Variants in DNAH14 observed in about 807,000 individuals in gnomAD.
The protein encoded by DNAH14 is dynein axonemal heavy chain 14, also known as axonemal beta dynein heavy chain 14.
Under a neutral mutation model 520.9 loss-of-function variants are expected in DNAH14, and 478 were observed. The ratio of observed to expected loss-of-function variants is 0.92; its 90% CI spans 0.85 to 0.99. The LOEUF (loss-of-function observed/expected upper bound fraction) is 0.99, where lower values mean the gene tolerates loss of function less well. Ranked by LOEUF, DNAH14 falls within the 50% of genes least tolerant of loss-of-function variation. The pLI is 0.00. For missense variants in DNAH14, 4,831 were observed against 5,234.5 expected, an observed-to-expected ratio of 0.92 and a Z score of 2.38; for synonymous variants, 1,581 against 1,757.2, an observed-to-expected ratio of 0.90 and a Z score of 2.51.
intron 42 of DNAH14, among the ~76,000 whole-genome samples, chr1:225,233,718 T>C (rs1005793371): frequency 1.3e-5 from 2 of 152,224 alleles, no homozygotes; most frequent in Non-Finnish European, 2.9e-5. Flanking sequence ...TGCAAAAATT[T>C]TCTCCCATTC....
At chr1:225,000,785 C>T (rs1181437146) in intron 8 of DNAH14, among the ~76,000 whole-genome samples, 1 of 136,634 alleles carries the variant, frequency 7.3e-6, no homozygotes, top group African/African-American at 3.4e-5. Flanking sequence ...TCATTGAGTT[C>T]AGCCATTGAG....
chr1:225,246,721 AG>A (rs528020278), intron 43 of DNAH14, among the ~76,000 whole-genome samples: 28 of 152,232 alleles, frequency 1.8e-4, no homozygotes, highest in Non-Finnish European at 3.8e-4. Context: ...TTAAAAAGTC[AG>A]GAAACAACAG....
At chr1:225,186,324 T>C (rs1420363366) in intron 37 of DNAH14, among the ~76,000 whole-genome samples, 3 of 151,788 alleles carry the variant, frequency 2.0e-5, no homozygotes, top group African/African-American at 7.2e-5. Context: ...TCCTGAAAGA[T>C]CTCAATTAGT....
In DNAH14 at chr1:225,346,267, G is replaced by C; in HGVS notation, c.10984G>C (p.Glu3662Gln). 6.4e-7 allele frequency: 1 copy of C among 1,551,360 alleles called. No individual in the cohort carries two copies. The highest frequency in any genetic ancestry group is 2.0e-5 in the Admixed American group (1 of 50,870). Reference sequence around the variant, plus strand: ...TAAAAGGGAGAAAGTGTCTCCAAAAGAAGTTCATGAGTTTATAAGTATTTC... The same window carrying C: ...TAAAAGGGAGAAAGTGTCTCCAAAACAAGTTCATGAGTTTATAAGTATTTC... The part of the protein sequence containing the change: ...SFKREKVSPK[E>Q]VHEFISISKE... The change falls in exon 70 of 86, where the codon GAA (glutamate) becomes CAA (glutamine). Residue 3662 changes from glutamate to glutamine, a missense_variant. By Grantham distance (29) the Glu-to-Gln change is conservative. Coordinates refer to ENST00000682510, the MANE Select transcript of DNAH14 (RefSeq NM_001367479.1).
chr1:225,088,612 G>A (rs1243840695), intron 21 of DNAH14, among the ~76,000 whole-genome samples: 3 of 152,074 alleles, frequency 2.0e-5, no homozygotes, highest in Non-Finnish European at 2.9e-5. Context: ...AAAATACTGA[G>A]AAAATAATGA....
intron 8 of DNAH14, among the ~76,000 whole-genome samples, chr1:224,989,968 A>G (rs921351187): frequency 5.3e-5 from 8 of 151,472 alleles, no homozygotes; most frequent in African/African-American, 1.9e-4. Flanking sequence ...TTCTTGGATA[A>G]TATTTTGCTA....
rs781495652 is a variant in DNAH14, at chr1:225,322,667, A to T, written c.9339A>T (p.Val3113=). 1 of 1,537,738 alleles carries T rather than the reference A, an allele frequency of 6.5e-7. No individual in the cohort carries two copies. The highest frequency in any genetic ancestry group is 2.5e-5 in the East Asian group (1 of 40,492). ...LDKADVAELR[V]YTRPPFLVLT... ...AGATTTTCATCATCTATTACAGAGT[A>T]TACACACGGCCTCCCTTCCTTGTAC... Residue 3113 remains valine (V), a synonymous_variant, in exon 62 of 86, where the codon GTA becomes GTT. Transcript: ENST00000682510.
Position 225,388,724 on chromosome 1 carries a change from C to A in DNAH14, c.13190+233C>A, listed in dbSNP as rs552644205. ...GTTATGACTACAACATAGTACATTT[C>A]TCTTTCCTAAGAAATGCACAGGGTG... On this transcript the variant is annotated intron_variant, in intron 82 of 85. Coordinates refer to ENST00000682510, the MANE Select transcript of DNAH14 (RefSeq NM_001367479.1). Among the ~76,000 whole-genome samples the A allele has an allele frequency of 2.0e-5, 3 of 152,282 alleles. No individual in the cohort carries two copies. The South Asian group carries it at 6.2e-4, about 32-fold the overall frequency.
intron 8 of DNAH14, among the ~76,000 whole-genome samples, chr1:224,984,339 A>G (rs1251563138): frequency 6.6e-6 from 1 of 152,180 alleles, no homozygotes; most frequent in Admixed American, 6.6e-5. Flanking sequence ...GGCTAGCCAC[A>G]TGTAGGAGAA....
In DNAH14 at chr1:225,340,693, A is replaced by G. The variant is rs1481231584; in HGVS notation, c.10670A>G (p.Lys3557Arg). The change falls in exon 69 of 86, where the codon AAA becomes AGA. Residue 3557 changes from lysine to arginine, a missense_variant. By Grantham distance (26) the Lys-to-Arg change is conservative. Coordinates refer to ENST00000682510, the MANE Select transcript of DNAH14 (RefSeq NM_001367479.1). ...LEEKTLNLLQ[K>R]ALGSILDDDK... ...GAAAAAACATTAAATTTACTGCAGA[A>G]AGCACTAGGTAAGTCAAGATATTTA... is the stretch of plus-strand genomic sequence containing the variant. 31 of 1,551,190 alleles carry G rather than the reference A, an allele frequency of 2.0e-5. No homozygotes were observed. Among genetic ancestry groups the G allele is most frequent in the Non-Finnish European group, 2.7e-5 (31 of 1,146,750 alleles).
Position 225,082,430 on chromosome 1 carries a change from A to G in DNAH14, c.3137-119A>G, listed in dbSNP as rs1419006794. On this transcript the variant is annotated intron_variant, in intron 19 of 85. Coordinates refer to ENST00000682510, the MANE Select transcript of DNAH14 (RefSeq NM_001367479.1). ...GCTTCATGTTATTTTAATGTAGTTT[A>G]ATAATTGATAAAGTAGTTTTTAACA... 16 of 726,148 alleles carry G rather than the reference A, an allele frequency of 2.2e-5. No individual in the cohort carries two copies. In the South Asian group the frequency reaches 4.4e-4, roughly 20 times the overall value. 45.0% of individuals were successfully genotyped at this position (726,148 alleles called of 1,614,324 possible).
chr1:224,980,647 C>T (rs368204284), intron 8 of DNAH14, among the ~76,000 whole-genome samples: 3 of 152,182 alleles, frequency 2.0e-5, no homozygotes, highest in East Asian at 1.9e-4. Flanking sequence ...TAGGCAGTAG[C>T]CAGGTAGTGG....
intron 17 of DNAH14, among the ~76,000 whole-genome samples, chr1:225,062,217 C>G (rs2070245007): frequency 6.6e-6 from 1 of 152,050 alleles, no homozygotes; most frequent in African/African-American, 2.4e-5. Context: ...GTGAGGATGG[C>G]TTGATCCCAG....
chr1:225,396,729 A>G (rs2150909479), intron 84 of DNAH14: 1 of 152,374 alleles, frequency 6.6e-6, no homozygotes, highest in Non-Finnish European at 1.5e-5. Context: ...GATTACTTCC[A>G]TTTATTCTGA....
chr1:225,043,862 T>C (rs986091932), intron 14 of DNAH14, 24 bp from the exon 15 acceptor site: 35 of 1,486,710 alleles, frequency 2.4e-5, no homozygotes, highest in Non-Finnish European at 3.0e-5. Context: ...CTCTGAAATA[T>C]GCTTTTATTG....
intron 42 of DNAH14, among the ~76,000 whole-genome samples, chr1:225,234,476 C>G (rs370542067): frequency 2.0e-5 from 3 of 152,190 alleles, no homozygotes; most frequent in East Asian, 3.9e-4. Flanking sequence ...GCGTGAGCCA[C>G]TGTGCCTGGC....
intron 1 of DNAH14, among the ~76,000 whole-genome samples, 174 bp downstream of exon 1, chr1:224,930,009 A>G (rs180984440): frequency 5.1e-4 from 76 of 150,012 alleles, no homozygotes; most frequent in Admixed American, 5.0e-3. Flanking sequence ...CTCACCAGGC[A>G]GATGCTGGCG....
chr1:225,140,044 T>C (rs2079294295), intron 27 of DNAH14, among the ~76,000 whole-genome samples: 1 of 152,244 alleles, frequency 6.6e-6, no homozygotes, highest in African/African-American at 2.4e-5. Context: ...AATCTCACTC[T>C]GTCTGTTAAC....
chr1:225,394,545 T>C (rs1044900207), intron 84 of DNAH14, among the ~76,000 whole-genome samples: 1 of 152,092 alleles, frequency 6.6e-6, no homozygotes, highest in Non-Finnish European at 1.5e-5. Context: ...TTTTCTATGA[T>C]CTATATATAA....
Sources: gnomAD v4.1 joint callset for allele counts (sites outside exome capture counted in the v4.1 genomes callset) on GRCh38, gnomAD v4.1.1 for gene constraint, MANE v1.5 for transcripts, NCBI Gene and HGNC (gene_info 2026-07-23, HGNC 2026-07-21) for gene names.